Variants in NMNAT2 observed in about 807,000 individuals in gnomAD.
The protein encoded by NMNAT2 is nicotinamide nucleotide adenylyltransferase 2.
NMNAT2 carries 11 observed loss-of-function variants against 41.6 expected under a neutral mutation model. The ratio of observed to expected loss-of-function variants is 0.26; its 90% confidence interval spans 0.17 to 0.44. The LOEUF is 0.44. Among genes scored for constraint, NMNAT2 ranks in the 20% least tolerant of loss-of-function variants. The probability of loss-of-function intolerance (pLI) is 1.00; values close to 1 mark genes in which losing one functional copy is unlikely to be tolerated. For synonymous variants in NMNAT2, 148 were observed against 151.2 expected (o/e 0.98, Z 0.16); for missense variants, 288 against 407.7 (o/e 0.71, Z 2.53).
chr1:183,409,526 A>C (rs1247540283), intron 1 of NMNAT2, among the ~76,000 whole-genome samples: 1 of 152,118 alleles, frequency 6.6e-6, no homozygotes, highest in Non-Finnish European at 1.5e-5. Flanking sequence ...TATGCTGCCC[A>C]GGCTGGTCTC....
rs569434672 is a variant in NMNAT2, at chr1:183,363,277, T to A, written c.85+54906A>T. Among the ~76,000 whole-genome samples, 15 of 152,360 alleles carry A rather than the reference T, an allele frequency of 9.8e-5. No homozygotes were observed. In the South Asian group the frequency reaches 1.0e-3, roughly 11 times the overall value. ...TTATGTGACCTCAAGAAAGATTTTTTAAAAATTTCTCTGAACCTTAGCTTT... is the reference window on the plus strand; with the variant it reads ...TTATGTGACCTCAAGAAAGATTTTTAAAAAATTTCTCTGAACCTTAGCTTT... On this transcript the variant is annotated intron_variant, in intron 1 of 10. Coordinates refer to ENST00000287713, the MANE Select transcript of NMNAT2 (RefSeq NM_015039.4).
chr1:183,295,680 T>C (rs1661670832), intron 1 of NMNAT2, among the ~76,000 whole-genome samples: 1 of 152,182 alleles, frequency 6.6e-6, no homozygotes, highest in Non-Finnish European at 1.5e-5. Flanking sequence ...CCTCCTCTTT[T>C]CCCAAACCCC....
chr1:183,252,891 C>T, intron 10 of NMNAT2, 148 bp from the exon 11 acceptor site: 2 of 608,020 alleles, frequency 3.3e-6, no homozygotes, highest in Non-Finnish European at 5.9e-6. Context: ...CCTCTTGCCT[C>T]CACAACTCCT....
chr1:183,277,316 C>T (rs576241172), intron 8 of NMNAT2, among the ~76,000 whole-genome samples: 35 of 152,092 alleles, frequency 2.3e-4, no homozygotes, highest in Middle Eastern at 3.4e-3. Context: ...AATTCTGTCT[C>T]TACTAAAAAT....
intron 1 of NMNAT2, among the ~76,000 whole-genome samples, chr1:183,302,771 C>G (rs1465509545): frequency 6.6e-6 from 1 of 152,192 alleles, no homozygotes; most frequent in South Asian, 2.1e-4. Context: ...CCTCACCTGT[C>G]ATTCCCAGAA....
In NMNAT2 at chr1:183,274,970, AGAG is replaced by A. The variant is rs1661087022; in HGVS notation, c.651+3580_651+3582del. ...GGCAGCACACTAGGGGCAAAACCTC[AGAG>A]GAGAACGGGCCTGGTGATCACAATG... On this transcript the variant is annotated intron_variant, in intron 8 of 10. Transcript: ENST00000287713. Among the ~76,000 whole-genome samples, 4 of 152,062 alleles carry A rather than the reference AGAG, an allele frequency of 2.6e-5. No homozygotes were observed. In the South Asian group the frequency reaches 8.3e-4, roughly 31 times the overall value.
At chr1:183,345,827 C>T (rs1390314383) in intron 1 of NMNAT2, among the ~76,000 whole-genome samples, 1 of 152,046 alleles carries the variant, frequency 6.6e-6, no homozygotes, top group African/African-American at 2.4e-5. Flanking sequence ...GCTGGGACTA[C>T]AGGCACCCGC....
intron 1 of NMNAT2, among the ~76,000 whole-genome samples, chr1:183,409,681 A>G (rs1401454826): frequency 6.6e-6 from 1 of 152,210 alleles, no homozygotes; most frequent in East Asian, 1.9e-4. Context: ...AGTGCTAAAA[A>G]CAAGTGTCAA....
chr1:183,341,676 GA>G (rs201124081), intron 1 of NMNAT2, among the ~76,000 whole-genome samples: 9 of 17,980 alleles, frequency 5.0e-4, no homozygotes, highest in Admixed American at 7.6e-4. Flanking sequence ...GGTCAATAGA[GA>G]AAAAAAAAAA....
intron 1 of NMNAT2, among the ~76,000 whole-genome samples, chr1:183,331,521 AC>A (rs1662584664): frequency 6.6e-6 from 1 of 152,142 alleles, no homozygotes; most frequent in Non-Finnish European, 1.5e-5. Context: ...GAATGTAAAC[AC>A]CTTTTCTTCC....
chr1:183,280,867 C>G (rs989060036), intron 7 of NMNAT2, among the ~76,000 whole-genome samples: 1 of 148,538 alleles, frequency 6.7e-6, no homozygotes, highest in Non-Finnish European at 1.5e-5. Flanking sequence ...CTCACCGCAA[C>G]CTCCGCCTCC....
chr1:183,256,084 T>A (rs988646765), intron 10 of NMNAT2, among the ~76,000 whole-genome samples: 2 of 152,148 alleles, frequency 1.3e-5, no homozygotes, highest in African/African-American at 4.8e-5. Context: ...TTGATTATAA[T>A]GTTAGCTGTG....
intron 1 of NMNAT2, among the ~76,000 whole-genome samples, chr1:183,360,019 G>A (rs2102358341): frequency 6.6e-6 from 1 of 152,146 alleles, no homozygotes; most frequent in African/African-American, 2.4e-5. Flanking sequence ...CTGTTCTGGT[G>A]GGCTAAGTCT....
At chr1:183,386,468 A>G (rs1015819070) in intron 1 of NMNAT2, among the ~76,000 whole-genome samples, 3 of 152,240 alleles carry the variant, frequency 2.0e-5, no homozygotes, top group Non-Finnish European at 4.4e-5. Flanking sequence ...GAGTGTTTAT[A>G]GAAAACATCT....
intron 1 of NMNAT2, among the ~76,000 whole-genome samples, chr1:183,300,854 G>A (rs1661831558): frequency 1.3e-5 from 2 of 152,152 alleles, no homozygotes; most frequent in African/African-American, 2.4e-5. Flanking sequence ...AGAAGATTTT[G>A]GTTTGTTACA....
intron 1 of NMNAT2, among the ~76,000 whole-genome samples, chr1:183,328,029 C>T (rs558741817): frequency 1.3e-5 from 2 of 152,288 alleles, no homozygotes; most frequent in South Asian, 4.1e-4. Flanking sequence ...CCCACAGCTT[C>T]TAGGGCAGGC....
intron 8 of NMNAT2, among the ~76,000 whole-genome samples, chr1:183,274,849 G>A (rs1192718930): frequency 6.6e-6 from 1 of 151,886 alleles, no homozygotes; most frequent in African/African-American, 2.4e-5. Flanking sequence ...CTTGGGGATA[G>A]AAAGAACAAA....
chr1:183,343,783 T>C (rs555877924), intron 1 of NMNAT2, among the ~76,000 whole-genome samples: 1 of 152,322 alleles, frequency 6.6e-6, no homozygotes, highest in South Asian at 2.1e-4. Context: ...TTGTCACTAC[T>C]CCTTTTAAAT....
intron 1 of NMNAT2, among the ~76,000 whole-genome samples, chr1:183,317,927 G>A (rs1039993191): frequency 2.6e-5 from 4 of 152,196 alleles, no homozygotes; most frequent in Admixed American, 6.5e-5. Context: ...CTGAGCACTA[G>A]AGTCACAGGT....
Sources: gnomAD v4.1 joint callset for allele counts (sites outside exome capture counted in the v4.1 genomes callset) on GRCh38, gnomAD v4.1.1 for gene constraint, MANE v1.5 for transcripts, NCBI Gene and HGNC (gene_info 2026-07-23, HGNC 2026-07-21) for gene names.